Variants in LARP1B observed in about 807,000 individuals in gnomAD.
LARP1B encodes the protein La ribonucleoprotein 1B.
In LARP1B, 76 loss-of-function variants were observed where a neutral mutation model predicts 114.2. The ratio of observed to expected loss-of-function variants is 0.67; its 90% CI spans 0.55 to 0.81. LARP1B has a LOEUF of 0.81. LARP1B is among the 30% of genes least tolerant of loss of function. LARP1B has a pLI of 0.00. For missense variants in LARP1B, 1,014 were observed against 1,075.8 expected (o/e 0.94, Z 0.80); for synonymous variants, 345 against 348.0 (o/e 0.99, Z 0.10).
rs34995808 is a variant in LARP1B, at chr4:128,066,797, A to AT, written c.-78+5413dup. ...TGGCCGGGCTTTCTATTTTCTTGCCATTTTTTTTTTTTTTTTTGAGACAGA... is the reference window on the plus strand; with the variant it reads ...TGGCCGGGCTTTCTATTTTCTTGCCATTTTTTTTTTTTTTTTTTGAGACAGA... On this transcript the variant is annotated intron_variant, in intron 1 of 19. Coordinates refer to ENST00000326639, the MANE Select transcript of LARP1B (RefSeq NM_018078.4). 4.2e-3 allele frequency among the ~76,000 whole-genome samples: 527 copies of AT among 125,300 alleles called. 2 individuals are homozygous for AT. The highest frequency in any genetic ancestry group is 8.5e-3 in the Middle Eastern group (2 of 234). The allele number at this position is 125,300 out of a possible 152,430, so 82.2% of individuals were successfully genotyped here. A position where few individuals can be genotyped will look rare whatever the true frequency, so the allele number is the denominator to read the frequency against.
At chr4:128,070,069 A>G (rs577621354) in intron 1 of LARP1B, among the ~76,000 whole-genome samples, 2 of 152,350 alleles carry the variant, frequency 1.3e-5, no homozygotes, top group South Asian at 2.1e-4. Flanking sequence ...CCGTAATCCC[A>G]GCACTTTGGG....
intron 11 of LARP1B, among the ~76,000 whole-genome samples, chr4:128,126,277 A>T (rs892884948): frequency 3.9e-5 from 6 of 151,976 alleles, no homozygotes; most frequent in African/African-American, 1.5e-4. Context: ...GTGTGCCATC[A>T]CACCTGGCTA....
At chr4:128,162,125 G>A in intron 11 of LARP1B, 69 bp from the exon 12 acceptor site, 1 of 1,432,656 alleles carries the variant, frequency 7.0e-7, no homozygotes, top group Admixed American at 2.1e-5. Context: ...TTTGAGGTTG[G>A]TATCAATTAT....
intron 12 of LARP1B, among the ~76,000 whole-genome samples, chr4:128,166,342 C>T (rs937581757): frequency 2.0e-5 from 3 of 151,942 alleles, no homozygotes; most frequent in Non-Finnish European, 4.4e-5. Context: ...CTTTCTCCAT[C>T]TCTATCACCC....
chr4:128,111,452 C>T (rs996121588), intron 9 of LARP1B, among the ~76,000 whole-genome samples: 16 of 151,912 alleles, frequency 1.1e-4, no homozygotes, highest in East Asian at 9.7e-4. Flanking sequence ...ATAATCGCAG[C>T]GCTTTAGAGA....
intron 17 of LARP1B, among the ~76,000 whole-genome samples, chr4:128,205,605 G>A (rs1438410104): frequency 6.6e-6 from 1 of 152,190 alleles, no homozygotes; most frequent in East Asian, 1.9e-4. Context: ...AATGAAAGCA[G>A]GGAGGCTCTC....
chr4:128,181,157 A>G (rs1479192394), intron 15 of LARP1B, among the ~76,000 whole-genome samples: 1 of 147,390 alleles, frequency 6.8e-6, no homozygotes, highest in East Asian at 2.0e-4. Flanking sequence ...ATTTAAATCT[A>G]TCATTTATTT....
intron 12 of LARP1B, among the ~76,000 whole-genome samples, chr4:128,167,003 C>CAT (rs758122309): frequency 4.8e-5 from 7 of 144,508 alleles, no homozygotes; most frequent in East Asian, 2.0e-4. Context: ...TACACACACA[C>CAT]ATATATATAC....
intron 9 of LARP1B, among the ~76,000 whole-genome samples, chr4:128,110,546 G>C (rs566846782): frequency 1.2e-4 from 18 of 148,628 alleles, no homozygotes; most frequent in African/African-American, 3.2e-4. Flanking sequence ...GCGTAGTGGC[G>C]GGCGCCTGTA....
chr4:128,117,789 G>C (rs1485226396), intron 10 of LARP1B, among the ~76,000 whole-genome samples: 1 of 152,048 alleles, frequency 6.6e-6, no homozygotes, highest in African/African-American at 2.4e-5. Context: ...CAAAGTGTTG[G>C]GATTACAGGT....
intron 17 of LARP1B, among the ~76,000 whole-genome samples, chr4:128,203,340 T>G (rs1269162492): frequency 6.1e-5 from 2 of 32,634 alleles, no homozygotes; most frequent in Middle Eastern, 0.024. Flanking sequence ...CCTCCCTCCC[T>G]CCCTCTTTTC....
intron 12 of LARP1B, among the ~76,000 whole-genome samples, chr4:128,164,627 A>G (rs764885690): frequency 6.6e-6 from 1 of 152,202 alleles, no homozygotes; most frequent in Non-Finnish European, 1.5e-5. Flanking sequence ...AATTAAAACC[A>G]TAGCAATACG....
chr4:128,117,888 G>T (rs187227001), intron 10 of LARP1B, among the ~76,000 whole-genome samples: 7 of 148,408 alleles, frequency 4.7e-5, no homozygotes, highest in South Asian at 2.2e-4. Flanking sequence ...GTGCTTTGGT[G>T]TAGGTCTAAT....
chr4:128,205,728 G>A lies in LARP1B; in HGVS notation c.2310-700G>A, dbSNP rs149745391. Reference sequence around the variant, plus strand: ...CCTAGAGTAAAGCTTACATTCAAGAGTATTTATTTAATGCTGTGTACAAAG... The same window carrying A: ...CCTAGAGTAAAGCTTACATTCAAGAATATTTATTTAATGCTGTGTACAAAG... On this transcript the variant is annotated intron_variant, in intron 17 of 19. Transcript: ENST00000326639. Among the ~76,000 whole-genome samples, 570 of 152,270 alleles carry A rather than the reference G, an allele frequency of 3.7e-3. 2 individuals carry two copies. The highest frequency in any genetic ancestry group is 5.2e-3 in the Non-Finnish European group (357 of 68,024).
At chr4:128,162,378 T>C in intron 12 of LARP1B, 61 bp downstream of exon 12, 1 of 1,415,828 alleles carries the variant, frequency 7.1e-7, no homozygotes, top group Non-Finnish European at 9.5e-7. Context: ...TGAATTGTTT[T>C]TAAAAATTGC....
At chr4:128,181,798 G>A (rs1288988311) in intron 15 of LARP1B, among the ~76,000 whole-genome samples, 1 of 122,146 alleles carries the variant, frequency 8.2e-6, no homozygotes, top group African/African-American at 3.0e-5. Context: ...TTATTATGAT[G>A]TCCTTTTTTT....
intron 9 of LARP1B, among the ~76,000 whole-genome samples, chr4:128,111,570 G>T (rs1005532556): frequency 2.0e-5 from 3 of 152,082 alleles, no homozygotes; most frequent in African/African-American, 7.2e-5. Flanking sequence ...GGGTGTGGTG[G>T]TGTGCATGTG....
chr4:128,133,248 T>C (rs1792135360), intron 11 of LARP1B, among the ~76,000 whole-genome samples: 1 of 152,322 alleles, frequency 6.6e-6, no homozygotes, highest in East Asian at 1.9e-4. Flanking sequence ...AAAAATGTTC[T>C]ATAGTTGATT....
Position 128,121,928 on chromosome 4 carries a change from A to G in LARP1B, c.1264A>G (p.Ile422Val). ...DFLFDEEIEQ[I>V]GRKNTFTDWS... ...TTTGTTTGATGAAGAGATTGAACAA[A>G]TAGGACGAAAAAACACATTTACTGA... Residue 422 changes from isoleucine (I) to valine (V), a missense_variant, in exon 11 of 20, where the codon ATA becomes GTA. Physicochemically the swap from Ile to Val is conservative, Grantham distance 29. Transcript: ENST00000326639. The G allele has an allele frequency of 6.2e-7, 1 of 1,612,838 alleles. No homozygotes were observed.
Sources: gnomAD v4.1 joint callset for allele counts (sites outside exome capture counted in the v4.1 genomes callset) on GRCh38, gnomAD v4.1.1 for gene constraint, MANE v1.5 for transcripts, NCBI Gene and HGNC (gene_info 2026-07-23, HGNC 2026-07-21) for gene names.